NRXN3: variants seen among roughly 807,000 people sequenced by gnomAD.
The protein encoded by NRXN3 is neurexin 3.
Under a neutral mutation model 137.6 loss-of-function variants are expected in NRXN3, and 32 were observed. The observed-to-expected ratio is 0.23, with a 90% CI of 0.18 to 0.31. NRXN3 has a LOEUF of 0.31. Ranked by LOEUF, NRXN3 falls within the 10% of genes least tolerant of loss-of-function variation. The pLI is 1.00. For missense variants in NRXN3, 1,574 were observed against 2,062.5 expected, an observed-to-expected ratio of 0.76 and a Z score of 4.59; for synonymous variants, 798 against 784.5, an observed-to-expected ratio of 1.02 and a Z score of -0.29.
intron 4 of NRXN3, among the ~76,000 whole-genome samples, chr14:78,322,713 A>G (rs2079535078): frequency 6.6e-6 from 1 of 151,688 alleles, no homozygotes; most frequent in Non-Finnish European, 1.5e-5. Context: ...CTAGAACCCC[A>G]CCCTGCTAAT....
At chr14:78,284,074 T>C (rs1596773130) in intron 3 of NRXN3, among the ~76,000 whole-genome samples, 1 of 152,308 alleles carries the variant, frequency 6.6e-6, no homozygotes, top group Non-Finnish European at 1.5e-5. Context: ...TAGTTAGCCA[T>C]ATATAAAATA....
intron 4 of NRXN3, among the ~76,000 whole-genome samples, chr14:78,322,750 C>T (rs1025015738): frequency 3.9e-5 from 6 of 151,932 alleles, no homozygotes; most frequent in African/African-American, 1.2e-4. Context: ...TCCCAGGTGC[C>T]GTCTTATCTC....
chr14:79,175,503 A>G (rs983261351), intron 15 of NRXN3, among the ~76,000 whole-genome samples: 1 of 152,334 alleles, frequency 6.6e-6, no homozygotes, highest in East Asian at 1.9e-4. Flanking sequence ...TTATATCAAT[A>G]TGACTGTAAA....
intron 4 of NRXN3, among the ~76,000 whole-genome samples, chr14:78,588,605 A>G (rs930611260): frequency 6.6e-6 from 1 of 152,226 alleles, no homozygotes; most frequent in Non-Finnish European, 1.5e-5. Flanking sequence ...ATGAGATGCA[A>G]CACTATAAAT....
intron 5 of NRXN3, among the ~76,000 whole-genome samples, chr14:78,648,791 G>T (rs183297835): frequency 5.9e-5 from 9 of 152,122 alleles, no homozygotes; most frequent in African/African-American, 2.2e-4. Context: ...TTGTATTTCA[G>T]TTCTTTGTAT....
At chr14:79,400,165 G>A (rs779767889) in intron 15 of NRXN3, among the ~76,000 whole-genome samples, 1 of 152,084 alleles carries the variant, frequency 6.6e-6, no homozygotes, top group Non-Finnish European at 1.5e-5. Flanking sequence ...AGGTTCCAGG[G>A]GGACATTGTT....
At chr14:78,391,907 A>G (rs2090828641) in intron 4 of NRXN3, among the ~76,000 whole-genome samples, 1 of 152,148 alleles carries the variant, frequency 6.6e-6, no homozygotes, top group African/African-American at 2.4e-5. Flanking sequence ...GAATGGAAGG[A>G]TGAGGTGTGG....
At chr14:79,762,350 A>C (rs1400699560) in intron 19 of NRXN3, among the ~76,000 whole-genome samples, 1 of 151,708 alleles carries the variant, frequency 6.6e-6, no homozygotes, top group African/African-American at 2.4e-5. Context: ...AAGTAGTTAG[A>C]AAGTGTGTCG....
rs538883181 is a variant in NRXN3 at position 79,776,723 on chromosome 14, C to A, written c.4015-28389C>A. ...AGAAGACAAAGAATGTGGCTAGAGG[C>A]TAAAAGGGACAGAGCAGGAAAAGCA... On this transcript the variant is annotated intron_variant, in intron 19 of 20. Transcript: ENST00000335750. 1.5e-4 allele frequency among the ~76,000 whole-genome samples: 23 copies of A among 152,212 alleles called. No homozygotes were observed. In the South Asian group the frequency reaches 3.9e-3, roughly 26 times the overall value.
chr14:78,525,444 A>C (rs559538042), intron 4 of NRXN3, among the ~76,000 whole-genome samples: 1 of 152,320 alleles, frequency 6.6e-6, no homozygotes, highest in South Asian at 2.1e-4. Context: ...TTATTTGCAT[A>C]ACCAAGGAAA....
intron 15 of NRXN3, among the ~76,000 whole-genome samples, chr14:79,321,393 C>T (rs1177712499): frequency 2.0e-5 from 3 of 152,120 alleles, no homozygotes; most frequent in Non-Finnish European, 4.4e-5. Context: ...AAAACCATTT[C>T]CCCTACTGGA....
intron 20 of NRXN3, among the ~76,000 whole-genome samples, chr14:79,827,975 C>T (rs931931725): frequency 1.3e-5 from 2 of 152,064 alleles, no homozygotes; most frequent in South Asian, 2.1e-4. Context: ...GGATTACAGG[C>T]GTGAGCCACA....
chr14:78,903,093 C>T (rs1027806293), intron 10 of NRXN3, among the ~76,000 whole-genome samples: 4 of 151,316 alleles, frequency 2.6e-5, no homozygotes, highest in Non-Finnish European at 5.9e-5. Flanking sequence ...TGGTCATTCC[C>T]TTTCTCTTCT....
At chr14:78,603,286 T>C (rs952757194) in intron 4 of NRXN3, among the ~76,000 whole-genome samples, 2 of 152,178 alleles carry the variant, frequency 1.3e-5, no homozygotes, top group African/African-American at 4.8e-5. Context: ...CCCTCATTTC[T>C]TTACCCATCA....
chr14:78,948,573 G>A (rs369914398), intron 10 of NRXN3, among the ~76,000 whole-genome samples: 6 of 150,790 alleles, frequency 4.0e-5, no homozygotes, highest in African/African-American at 9.8e-5. Flanking sequence ...TGCTGGAAGC[G>A]CATACAAATA....
intron 15 of NRXN3, among the ~76,000 whole-genome samples, chr14:79,358,607 G>GAGAAAGAAAGAGAGAA (rs2093539829): frequency 1.3e-5 from 1 of 79,944 alleles, no homozygotes; most frequent in African/African-American, 4.2e-5. Context: ...AAGAAAGAAA[G>GAGAAAGAAAGAGAGAA]AGAAAGAAAG....
At chr14:79,503,432 G>A (rs759078460) in intron 16 of NRXN3, among the ~76,000 whole-genome samples, 7 of 152,096 alleles carry the variant, frequency 4.6e-5, no homozygotes, top group African/African-American at 9.7e-5. Context: ...TACAGGGACC[G>A]CGTTACCAAG....
intron 15 of NRXN3, among the ~76,000 whole-genome samples, chr14:79,185,049 T>G (rs1034619243): frequency 6.6e-6 from 1 of 152,384 alleles, no homozygotes; most frequent in South Asian, 2.1e-4. Flanking sequence ...ACATGTTGTC[T>G]ATTAAAAGTT....
In NRXN3 at chr14:78,736,386, T is replaced by G. The variant is rs187874197; in HGVS notation, c.2044+21247T>G. ...TATTTAAGTTTTCTGAGCCTTATAT[T>G]TTTTTCACTCATAGGGCTGGATAAT... is the stretch of plus-strand genomic sequence containing the variant. On this transcript the variant is annotated intron_variant, in intron 8 of 20. Coordinates refer to ENST00000335750, the MANE Select transcript of NRXN3 (RefSeq NM_001330195.2). Among the ~76,000 whole-genome samples the G allele has an allele frequency of 1.6e-3, 237 of 152,324 alleles. 1 individual carries two copies. Among genetic ancestry groups the G allele is most frequent in the Non-Finnish European group, 2.4e-3 (163 of 68,028 alleles).
Sources: gnomAD v4.1 joint callset for allele counts (sites outside exome capture counted in the v4.1 genomes callset) on GRCh38, gnomAD v4.1.1 for gene constraint, MANE v1.5 for transcripts, NCBI Gene and HGNC (gene_info 2026-07-23, HGNC 2026-07-21) for gene names.